FHIT: variants seen among roughly 807,000 people sequenced by gnomAD.
FHIT encodes bis(5'-adenosyl)-triphosphatase.
In FHIT, 19 loss-of-function variants were observed where a neutral mutation model predicts 17.9. That is an observed-to-expected ratio of 1.06 (90% CI 0.74 to 1.56). The LOEUF (loss-of-function observed/expected upper bound fraction) is 1.56, where lower values mean the gene tolerates loss of function less well. FHIT is among the 40% of genes most tolerant of loss of function. The probability of loss-of-function intolerance (pLI) is 0.00; values close to 1 mark genes in which losing one functional copy is unlikely to be tolerated. For synonymous variants in FHIT, 81 were observed against 69.7 expected, an observed-to-expected ratio of 1.16 and a Z score of -0.81; for missense variants, 248 against 189.2, an observed-to-expected ratio of 1.31 and a Z score of -1.82.
chr3:59,776,738 A>G (rs1702339233), intron 8 of FHIT, among the ~76,000 whole-genome samples: 1 of 152,144 alleles, frequency 6.6e-6, no homozygotes, highest in African/African-American at 2.4e-5. Context: ...GCACTTACTT[A>G]TGTGTGCTCA....
intron 8 of FHIT, among the ~76,000 whole-genome samples, chr3:59,893,455 T>C (rs565419298): frequency 4.3e-4 from 66 of 152,276 alleles, no homozygotes; most frequent in Admixed American, 8.5e-4. Context: ...TGCTCTAATA[T>C]GGAAAAAAGA....
chr3:60,744,797 A>G (rs534774355), intron 4 of FHIT, among the ~76,000 whole-genome samples: 1 of 152,328 alleles, frequency 6.6e-6, no homozygotes, highest in African/African-American at 2.4e-5. Context: ...TCCCTCAATG[A>G]CAAGGTAAGG....
At chr3:59,863,890 T>C (rs574696011) in intron 8 of FHIT, among the ~76,000 whole-genome samples, 2 of 152,290 alleles carry the variant, frequency 1.3e-5, no homozygotes, top group Non-Finnish European at 2.9e-5. Flanking sequence ...CAAATATTTC[T>C]AGCTTGTCTT....
At chr3:60,217,776 T>G (rs1039967492) in intron 5 of FHIT, among the ~76,000 whole-genome samples, 1 of 152,164 alleles carries the variant, frequency 6.6e-6, no homozygotes, top group African/African-American at 2.4e-5. Flanking sequence ...ACTTTTCTCT[T>G]TGCCTGGCTC....
At chr3:60,458,797 A>T (rs1355648330) in intron 5 of FHIT, among the ~76,000 whole-genome samples, 3 of 152,020 alleles carry the variant, frequency 2.0e-5, no homozygotes, top group South Asian at 4.2e-4. Flanking sequence ...TTTTAAAGAC[A>T]TGGTCTCACT....
intron 1 of FHIT, among the ~76,000 whole-genome samples, chr3:61,224,017 G>A (rs1248872633): frequency 1.3e-5 from 2 of 152,310 alleles, no homozygotes; most frequent in Non-Finnish European, 1.5e-5. Flanking sequence ...GGGTGAAATA[G>A]TATGTATTTA....
intron 8 of FHIT, among the ~76,000 whole-genome samples, chr3:59,905,270 G>A (rs1360167587): frequency 6.6e-6 from 1 of 152,176 alleles, no homozygotes; most frequent in African/African-American, 2.4e-5. Flanking sequence ...AGAATTGATA[G>A]AACTAGAGAA....
intron 5 of FHIT, among the ~76,000 whole-genome samples, chr3:60,452,987 G>A (rs1351078596): frequency 6.6e-6 from 1 of 152,174 alleles, no homozygotes; most frequent in Non-Finnish European, 1.5e-5. Context: ...ATTTGCAACA[G>A]CAAAGAATGT....
chr3:60,273,509 C>T (rs1002883512), intron 5 of FHIT, among the ~76,000 whole-genome samples: 3 of 152,034 alleles, frequency 2.0e-5, no homozygotes, highest in Non-Finnish European at 4.4e-5. Flanking sequence ...ACTCAGGAGG[C>T]TGAGGGGGAG....
intron 5 of FHIT, among the ~76,000 whole-genome samples, chr3:60,168,229 C>G (rs113253144): frequency 6.6e-6 from 1 of 152,180 alleles, no homozygotes; most frequent in African/African-American, 2.4e-5. Context: ...AAGAGACCGA[C>G]AGACTTCATC....
chr3:60,362,138 G>T (rs1419641584), intron 5 of FHIT, among the ~76,000 whole-genome samples: 1 of 152,000 alleles, frequency 6.6e-6, no homozygotes, highest in Non-Finnish European at 1.5e-5. Flanking sequence ...AATATATATA[G>T]ATAGTGAAAT....
chr3:60,798,611 G>C (rs1419965428), intron 4 of FHIT, among the ~76,000 whole-genome samples: 1 of 152,138 alleles, frequency 6.6e-6, no homozygotes, highest in African/African-American at 2.4e-5. Flanking sequence ...AACCTTAGAT[G>C]TAGGCCTGAA....
chr3:60,701,425 C>T (rs1459658946), intron 4 of FHIT, among the ~76,000 whole-genome samples: 1 of 152,046 alleles, frequency 6.6e-6, no homozygotes, highest in African/African-American at 2.4e-5. Context: ...ATCAGTCTCC[C>T]CCCCAAACTC....
chr3:60,934,016 G>T (rs1359232001), intron 3 of FHIT, among the ~76,000 whole-genome samples: 1 of 152,096 alleles, frequency 6.6e-6, no homozygotes, highest in Non-Finnish European at 1.5e-5. Flanking sequence ...CTTAATTTGA[G>T]GTTAATTAAA....
rs144265116 is a variant in FHIT at position 60,679,512 on chromosome 3, T to C, written c.-18+142407A>G. ...ATTTTTAAACCAAATTCGGATTACA[T>C]AGCAATGCAATTTTCCCATATTATT... is the stretch of plus-strand genomic sequence containing the variant. On this transcript the variant is annotated intron_variant, in intron 4 of 9. Transcript: ENST00000492590. Among the ~76,000 whole-genome samples, 7 of 152,272 alleles carry C rather than the reference T, an allele frequency of 4.6e-5. No homozygotes were observed. In the East Asian group the frequency reaches 1.2e-3, roughly 25 times the overall value.
At chr3:60,033,217 G>A (rs1357458444) in intron 5 of FHIT, among the ~76,000 whole-genome samples, 2 of 152,160 alleles carry the variant, frequency 1.3e-5, no homozygotes, top group African/African-American at 2.4e-5. Flanking sequence ...TGATAATGGG[G>A]CCAGGTGCAG....
At chr3:60,143,937 C>A (rs781101728) in intron 5 of FHIT, among the ~76,000 whole-genome samples, 7 of 152,072 alleles carry the variant, frequency 4.6e-5, no homozygotes, top group Non-Finnish European at 7.4e-5. Flanking sequence ...GGTAGGGAGG[C>A]AAGCAGTAGG....
At chr3:60,845,305 G>A (rs782685803) in intron 3 of FHIT, among the ~76,000 whole-genome samples, 1 of 151,694 alleles carries the variant, frequency 6.6e-6, no homozygotes, top group Non-Finnish European at 1.5e-5. Context: ...TAATTAGAAA[G>A]GTAGGAGTAA....
Position 60,886,964 on chromosome 3 carries a change from A to G in FHIT, c.-110-64953T>C, listed in dbSNP as rs1705252793. The stretch of plus-strand genomic sequence containing the variant: ...TCCAGGGTGAATCTAGGAAACAATT[A>G]GATCTATAATCTCACAGCAAACTTC... On this transcript the variant is annotated intron_variant, in intron 3 of 9. Transcript: ENST00000492590. Among the ~76,000 whole-genome samples, 4 of 152,348 alleles carry G rather than the reference A, an allele frequency of 2.6e-5. No homozygotes were observed. In the South Asian group the frequency reaches 8.3e-4, roughly 32 times the overall value.
Sources: allele counts gnomAD v4.1 joint callset (sites outside exome capture counted in the v4.1 genomes callset), GRCh38; gene constraint gnomAD v4.1.1; transcripts MANE v1.5; gene names NCBI Gene and HGNC (gene_info 2026-07-23, HGNC 2026-07-21).